The following CNTRL variants were observed in gnomAD, a reference collection of about 807,000 sequenced individuals.
CNTRL encodes centriolin, also known as 110 kDa centrosomal protein.
A neutral mutation model predicts 303.7 loss-of-function variants in CNTRL; 233 were observed. The ratio of observed to expected loss-of-function variants is 0.77; its 90% confidence interval spans 0.69 to 0.86. The LOEUF (loss-of-function observed/expected upper bound fraction) is 0.86. Ranked by LOEUF, CNTRL falls within the 40% of genes least tolerant of loss-of-function variation. The pLI, the probability that CNTRL is intolerant of heterozygous loss-of-function variation, is 0.00. For synonymous variants in CNTRL, 900 were observed against 922.2 expected, an observed-to-expected ratio of 0.98 and a Z score of 0.44; for missense variants, 2,524 against 2,650.6, an observed-to-expected ratio of 0.95 and a Z score of 1.05.
At chr9:121,102,382 T>C (rs1293270415) in intron 7 of CNTRL, among the ~76,000 whole-genome samples, 1 of 152,226 alleles carries the variant, frequency 6.6e-6, no homozygotes, top group Non-Finnish European at 1.5e-5. Context: ...AAATTAGGTA[T>C]TGATGGGATG....
chr9:121,154,353 G>A (rs2052447869), intron 26 of CNTRL, among the ~76,000 whole-genome samples: 1 of 152,184 alleles, frequency 6.6e-6, no homozygotes, highest in Non-Finnish European at 1.5e-5. Flanking sequence ...TGCCCTTGAA[G>A]GATAGTTTTG....
intron 34 of CNTRL, among the ~76,000 whole-genome samples, chr9:121,163,865 C>T (rs1156458793): frequency 2.2e-5 from 3 of 138,174 alleles, no homozygotes; most frequent in Non-Finnish European, 4.6e-5. Context: ...TAACCAGGAA[C>T]TTTTTTTTTT....
intron 40 of CNTRL, among the ~76,000 whole-genome samples, chr9:121,171,869 G>GCT (rs2053318319): frequency 6.6e-6 from 1 of 152,082 alleles, no homozygotes; most frequent in Non-Finnish European, 1.5e-5. Context: ...AAGTCTATAG[G>GCT]AGCCAAAACC....
chr9:121,149,609 A>G (rs926964767), intron 24 of CNTRL, among the ~76,000 whole-genome samples: 1 of 151,786 alleles, frequency 6.6e-6, no homozygotes, highest in Admixed American at 6.6e-5. Context: ...GTTTCACCAT[A>G]TTAGACAGGC....
At chr9:121,175,319 T>G in intron 43 of CNTRL, 95 bp downstream of exon 43, 4 of 1,118,180 alleles carry the variant, frequency 3.6e-6, no homozygotes, top group Non-Finnish European at 5.3e-6. Flanking sequence ...CAGGCTGGAG[T>G]GCATTGGTAC....
intron 8 of CNTRL, among the ~76,000 whole-genome samples, chr9:121,109,134 G>A (rs553302668): frequency 6.6e-6 from 1 of 151,964 alleles, no homozygotes; most frequent in African/African-American, 2.4e-5. Context: ...AGTGACTTTC[G>A]TACATCCTCT....
chr9:121,123,933 C>G lies in CNTRL; in HGVS notation c.1653C>G (p.Ser551=), dbSNP rs761920075. 3.2e-5 allele frequency: 50 copies of G among 1,568,372 alleles called. No homozygotes were observed. Among genetic ancestry groups the G allele is most frequent in the Non-Finnish European group, 4.3e-5 (50 of 1,162,778 alleles). Residue 551 remains serine, a splice_region_variant and synonymous_variant, in exon 13 of 44, where the codon TCC becomes TCG. Coordinates refer to ENST00000373855, the MANE Select transcript of CNTRL (RefSeq NM_007018.6). ...GTTGATTTTTTTTTTTAATTCAGTC[C>G]CATATGAAGGCTCAAAAGAGCGGTA... ...DSLDSKDPKH[S]HMKAQKSGKE...
intron 11 of CNTRL, among the ~76,000 whole-genome samples, chr9:121,116,141 T>C (rs1409872165): frequency 6.6e-6 from 1 of 152,124 alleles, no homozygotes; most frequent in East Asian, 1.9e-4. Flanking sequence ...AAAAGAGATA[T>C]ACTTTAGATT....
intron 26 of CNTRL, 116 bp downstream of exon 26, chr9:121,152,809 A>G (rs2052353691): frequency 2.6e-6 from 2 of 783,216 alleles, no homozygotes; most frequent in East Asian, 2.7e-5. Context: ...AACAGTAACC[A>G]CTAGCTCAGT....
intron 1 of CNTRL, among the ~76,000 whole-genome samples, chr9:121,077,107 TA>T (rs1189014106): frequency 6.6e-6 from 1 of 152,152 alleles, no homozygotes; most frequent in Non-Finnish European, 1.5e-5. Flanking sequence ...TCTGGGTTTA[TA>T]GGTGGCAGGA....
chr9:121,113,141 C>A (rs2049823924), intron 9 of CNTRL, among the ~76,000 whole-genome samples: 1 of 152,058 alleles, frequency 6.6e-6, no homozygotes, highest in Non-Finnish European at 1.5e-5. Context: ...AAATATTAGA[C>A]TGAGATTTTA....
chr9:121,129,882 A>T (rs1290975767), intron 14 of CNTRL, among the ~76,000 whole-genome samples: 1 of 152,194 alleles, frequency 6.6e-6, no homozygotes, highest in Admixed American at 6.5e-5. Flanking sequence ...TTCTGCATCT[A>T]TTGAGATATC....
chr9:121,088,246 T>C, intron 2 of CNTRL, 50 bp from the exon 3 acceptor site: 1 of 891,216 alleles, frequency 1.1e-6, no homozygotes, highest in South Asian at 1.6e-5. Flanking sequence ...AGAATAGTTT[T>C]GATAACTCTT....
At chr9:121,157,666 A>G in intron 28 of CNTRL, 66 bp downstream of exon 28, 1 of 1,604,962 alleles carries the variant, frequency 6.2e-7, no homozygotes, top group Non-Finnish European at 8.5e-7. Context: ...TTCTAAGGGG[A>G]TAATAATTGG....
At chr9:121,117,380 T>C (rs918804987) in intron 11 of CNTRL, among the ~76,000 whole-genome samples, 3 of 128,652 alleles carry the variant, frequency 2.3e-5, no homozygotes, top group Admixed American at 7.5e-5. Context: ...ATACAGACTC[T>C]TGAGAAATTT....
intron 33 of CNTRL, 27 bp from the exon 34 acceptor site, chr9:121,162,027 G>C: frequency 6.2e-7 from 1 of 1,613,650 alleles, no homozygotes; most frequent in Non-Finnish European, 8.5e-7. Context: ...CATTTAAGAT[G>C]TTTGAGTCCT....
Position 121,146,058 on chromosome 9 carries a change from AG to A in CNTRL, c.3311-48del, listed in dbSNP as rs775140924. ...TAGAATCTCTTTTATATTTTGAGAA[AG>A]GAAGTAAGTGATTTCATATCAATTT... On this transcript the variant is annotated intron_variant, in intron 22 of 43. Coordinates refer to ENST00000373855, the MANE Select transcript of CNTRL (RefSeq NM_007018.6). 1.8e-5 allele frequency: 26 copies of A among 1,470,394 alleles called. 3 individuals are homozygous for A. The South Asian group carries it at 3.3e-4, about 19-fold the overall frequency. The allele number at this position is 1,470,394 out of a possible 1,614,324, so 91.1% of individuals were successfully genotyped here.
intron 7 of CNTRL, among the ~76,000 whole-genome samples, chr9:121,099,050 A>G (rs559140155): frequency 1.3e-5 from 2 of 152,206 alleles, no homozygotes; most frequent in Non-Finnish European, 2.9e-5. Flanking sequence ...CCTGACTGAC[A>G]GCTTTGAAGA....
At chr9:121,169,495 G>A in intron 38 of CNTRL, 116 bp from the exon 39 acceptor site, 1 of 995,410 alleles carries the variant, frequency 1.0e-6, no homozygotes, top group Non-Finnish European at 1.5e-6. Context: ...TGTAATGGAG[G>A]AAAGCACCTG....
Sources: gnomAD v4.1 joint callset for allele counts (sites outside exome capture counted in the v4.1 genomes callset) on GRCh38, gnomAD v4.1.1 for gene constraint, MANE v1.5 for transcripts, NCBI Gene and HGNC (gene_info 2026-07-23, HGNC 2026-07-21) for gene names.